NLN: variants seen among roughly 807,000 people sequenced by gnomAD.
The protein encoded by NLN is neurolysin.
A neutral mutation model predicts 79.9 loss-of-function variants in NLN; 64 were observed. The ratio of observed to expected loss-of-function variants is 0.80; its 90% CI spans 0.65 to 0.99. NLN has a LOEUF of 0.99. Among genes scored for constraint, NLN ranks in the 50% least tolerant of loss-of-function variants. The pLI is 0.00. For missense variants in NLN, 835 were observed against 858.7 expected (o/e 0.97, Z 0.34); for synonymous variants, 267 against 296.6 (o/e 0.90, Z 1.02).
At chr5:65,775,575 A>G (rs980010252) in intron 3 of NLN, among the ~76,000 whole-genome samples, 1 of 152,176 alleles carries the variant, frequency 6.6e-6, no homozygotes, top group Non-Finnish European at 1.5e-5. Flanking sequence ...CACACTGTCT[A>G]GAGACTCCTG....
chr5:65,774,730 T>TATA (rs769804353), intron 3 of NLN, among the ~76,000 whole-genome samples: 27,967 of 130,452 alleles, frequency 0.21, 3,099 homozygotes, highest in Middle Eastern at 0.28. Flanking sequence ...TATATATATA[T>TATA]TTTTTTTTTT....
intron 5 of NLN, 116 bp from the exon 6 acceptor site, chr5:65,781,145 A>G: frequency 1.6e-6 from 1 of 640,228 alleles, no homozygotes; most frequent in Non-Finnish European, 2.7e-6. Context: ...TCATTATTTT[A>G]CTTGAATTTC....
At chr5:65,758,852 G>A (rs752620986) in intron 2 of NLN, 26 bp downstream of exon 2, 7 of 1,584,272 alleles carry the variant, frequency 4.4e-6, no homozygotes, top group East Asian at 2.3e-5. Context: ...AAGCATATCA[G>A]TGTTTCACTT....
intron 11 of NLN, among the ~76,000 whole-genome samples, chr5:65,810,902 T>C (rs1760529734): frequency 6.6e-6 from 1 of 152,008 alleles, no homozygotes; most frequent in Non-Finnish European, 1.5e-5. Flanking sequence ...CACCTGAGCC[T>C]GGGGAGGTTA....
chr5:65,751,471 T>C (rs766302684), intron 1 of NLN, among the ~76,000 whole-genome samples: 11 of 152,194 alleles, frequency 7.2e-5, no homozygotes, highest in Non-Finnish European at 1.3e-4. Context: ...GGGTTTGTGA[T>C]GAAAGAAATG....
At chr5:65,776,511 C>A (rs1236007657) in intron 3 of NLN, among the ~76,000 whole-genome samples, 1 of 152,154 alleles carries the variant, frequency 6.6e-6, no homozygotes, top group Non-Finnish European at 1.5e-5. Context: ...GAATCTTTAA[C>A]CAATAGAAGG....
chr5:65,758,830 G>A lies in NLN; in HGVS notation c.301+4G>A. The stretch of plus-strand genomic sequence containing the variant: ...GATGTAGAAGTAAAGTATATAGGTG[G>A]GTCAGATGCAGAAGCATATCAGTGT... On this transcript the variant is annotated splice_donor_region_variant and intron_variant, in intron 2 of 12. Coordinates refer to ENST00000380985, the MANE Select transcript of NLN (RefSeq NM_020726.5). 1 of 1,603,912 alleles carries A rather than the reference G, an allele frequency of 6.2e-7. No homozygotes were observed. The highest frequency in any genetic ancestry group is 8.5e-7 in the Non-Finnish European group (1 of 1,172,038).
At position 65,788,482 on chromosome 5, in the gene NLN, A is replaced by G. The variant is rs1221946056; in HGVS notation, c.1323A>G (p.Pro441=). 6 of 1,612,298 alleles carry G rather than the reference A, an allele frequency of 3.7e-6. No homozygotes were observed. The highest frequency in any genetic ancestry group is 5.1e-6 in the Non-Finnish European group (6 of 1,178,586). The change falls in exon 8 of 13, where the codon CCA becomes CCG. Residue 441 remains proline, a splice_region_variant and synonymous_variant. Coordinates refer to ENST00000380985, the MANE Select transcript of NLN (RefSeq NM_020726.5). The part of the protein sequence containing the change: ...VLGQFYLDLY[P]REGKYNHAAC... ...GACAGTTCTATTTGGACCTCTATCCAAGGTACTGAGGATCACGTTGTTGGA... is the reference window on the plus strand; with the variant it reads ...GACAGTTCTATTTGGACCTCTATCCGAGGTACTGAGGATCACGTTGTTGGA...
At chr5:65,739,393 C>A (rs1004216434) in intron 1 of NLN, among the ~76,000 whole-genome samples, 1 of 152,114 alleles carries the variant, frequency 6.6e-6, no homozygotes, top group Non-Finnish European at 1.5e-5. Context: ...TGTATGTATA[C>A]CACATTTTCT....
chr5:65,796,769 C>T (rs1450153024), intron 9 of NLN, among the ~76,000 whole-genome samples: 1 of 152,156 alleles, frequency 6.6e-6, no homozygotes, highest in Non-Finnish European at 1.5e-5. Context: ...ATAGTGAAAA[C>T]AGAGATTGAC....
chr5:65,822,874 CA>C lies in NLN; in HGVS notation c.2079del (p.Ala694ArgfsTer3). ...LHNFLKREPN[Q>X]KAFLMSRGLH... ...CAATTTCTTGAAACGTGAGCCAAAC[CA>C]AAAAGCGTTCCTAATGAGTAGAGGC... is the stretch of plus-strand genomic sequence containing the variant. On this transcript the variant is annotated frameshift_variant, in exon 13 of 13. Coordinates refer to ENST00000380985, the MANE Select transcript of NLN (RefSeq NM_020726.5). LOFTEE classifies it high-confidence loss of function. 1 of 1,613,106 alleles carries C rather than the reference CA, an allele frequency of 6.2e-7. No individual in the cohort carries two copies. The highest frequency in any genetic ancestry group is 8.5e-7 in the Non-Finnish European group (1 of 1,179,192).
rs536810036 is a variant in NLN at position 65,795,180 on chromosome 5, C to A, written c.1527+2525C>A. Among the ~76,000 whole-genome samples, 10 of 151,978 alleles carry A rather than the reference C, an allele frequency of 6.6e-5. No homozygotes were observed. In the South Asian group the frequency reaches 1.7e-3, roughly 25 times the overall value. ...ACCAGGCTGGGCAACATGGTGAAAA[C>A]CCATCTCTACCAAAAATAAAAAAAA... On this transcript the variant is annotated intron_variant, in intron 9 of 12. Coordinates refer to ENST00000380985, the MANE Select transcript of NLN (RefSeq NM_020726.5).
At position 65,736,671 on chromosome 5, in the gene NLN, T is replaced by G. The variant is rs183880876; in HGVS notation, c.41+14257T>G. Among the ~76,000 whole-genome samples the G allele has an allele frequency of 5.9e-5, 9 of 152,360 alleles. No individual in the cohort carries two copies. The East Asian group carries it at 9.6e-4, about 16-fold the overall frequency. On this transcript the variant is annotated intron_variant, in intron 1 of 12. Transcript: ENST00000380985. ...TGTGTTACTAATGAGTTTGAACATG[T>G]TTTCGTGTTTCTTTGCCATTTGTAT...
intron 2 of NLN, among the ~76,000 whole-genome samples, chr5:65,759,295 T>C (rs916460163): frequency 2.0e-5 from 3 of 152,110 alleles, no homozygotes; most frequent in Non-Finnish European, 4.4e-5. Context: ...CAGTATTTAA[T>C]GACATGGGGA....
intron 6 of NLN, among the ~76,000 whole-genome samples, chr5:65,782,338 T>A (rs1165654029): frequency 2.0e-5 from 3 of 152,188 alleles, no homozygotes; most frequent in Non-Finnish European, 2.9e-5. Flanking sequence ...AATCCAAACT[T>A]TTGTAGGCCA....
intron 1 of NLN, among the ~76,000 whole-genome samples, chr5:65,725,055 T>A (rs1758436640): frequency 6.6e-6 from 1 of 152,062 alleles, no homozygotes; most frequent in Non-Finnish European, 1.5e-5. Flanking sequence ...TCCGCCTGTC[T>A]CGGCCTCCCA....
rs535448289 is a variant in NLN, at chr5:65,757,573, G to T, written c.42-994G>T. ...GCTACTAAATATAACATTTTTATTTGTAAGCCCTAAAATTATATGTACTTA... is the reference window on the plus strand; with the variant it reads ...GCTACTAAATATAACATTTTTATTTTTAAGCCCTAAAATTATATGTACTTA... On this transcript the variant is annotated intron_variant, in intron 1 of 12. Transcript: ENST00000380985. Among the ~76,000 whole-genome samples, 198 of 151,744 alleles carry T rather than the reference G, an allele frequency of 1.3e-3. 1 individual carries two copies. Among genetic ancestry groups the T allele is most frequent in the African/African-American group, 4.7e-3 (195 of 41,368 alleles).
chr5:65,788,252 A>C lies in NLN; in HGVS notation c.1093A>C (p.Met365Leu), dbSNP rs1454095178. The change falls in exon 8 of 13, where the codon ATG (methionine) becomes CTG (leucine). Residue 365 changes from methionine (M) to leucine (L), a missense_variant. Physicochemically the swap from Met to Leu is conservative, Grantham distance 15. Transcript: ENST00000380985. Reference sequence around the variant, plus strand: ...CAATGCCTGGGATCTATATTACTACATGACTCAGACAGAGGAACTCAAGTA... The same window carrying C: ...CAATGCCTGGGATCTATATTACTACCTGACTCAGACAGAGGAACTCAAGTA... The part of the protein sequence containing the change: ...KINAWDLYYY[M>L]TQTEELKYSI... 1.2e-6 allele frequency: 2 copies of C among 1,614,188 alleles called. No individual in the cohort carries two copies. The highest frequency in any genetic ancestry group is 1.7e-6 in the Non-Finnish European group (2 of 1,180,010).
At chr5:65,815,736 T>C (rs1760655148) in intron 12 of NLN, among the ~76,000 whole-genome samples, 1 of 152,038 alleles carries the variant, frequency 6.6e-6, no homozygotes. Flanking sequence ...CCTCCTACAA[T>C]ATACTATTTG....
Sources: allele counts gnomAD v4.1 joint callset (sites outside exome capture counted in the v4.1 genomes callset), GRCh38; gene constraint gnomAD v4.1.1; transcripts MANE v1.5; gene names NCBI Gene and HGNC (gene_info 2026-07-23, HGNC 2026-07-21).